Variants in ARFGAP3 observed in about 807,000 individuals in gnomAD.
The protein encoded by ARFGAP3 is ADP-ribosylation factor GTPase-activating protein 3.
In ARFGAP3, 72 loss-of-function variants were observed where a neutral mutation model predicts 75.0. That is an observed-to-expected ratio of 0.96 (90% CI 0.79 to 1.17). The LOEUF (loss-of-function observed/expected upper bound fraction) is 1.17. Among genes scored for constraint, ARFGAP3 ranks in the 50% most tolerant of loss-of-function variants. The pLI is 0.00. For missense variants in ARFGAP3, 620 were observed against 626.6 expected, an observed-to-expected ratio of 0.99 and a Z score of 0.11; for synonymous variants, 221 against 217.9, an observed-to-expected ratio of 1.01 and a Z score of -0.13.
At chr22:42,822,742 C>T (rs1211453957) in intron 8 of ARFGAP3, among the ~76,000 whole-genome samples, 1 of 152,128 alleles carries the variant, frequency 6.6e-6, no homozygotes, top group Non-Finnish European at 1.5e-5. Flanking sequence ...AATGTAAATG[C>T]TATGAAAATA....
At chr22:42,828,478 C>T (rs1328693718) in intron 6 of ARFGAP3, among the ~76,000 whole-genome samples, 2 of 151,926 alleles carry the variant, frequency 1.3e-5, no homozygotes, top group South Asian at 4.2e-4. Flanking sequence ...ATCGCTTGAA[C>T]CCGGGATGCA....
At chr22:42,855,337 C>G (rs962343081) in intron 1 of ARFGAP3, among the ~76,000 whole-genome samples, 3 of 152,164 alleles carry the variant, frequency 2.0e-5, no homozygotes, top group Non-Finnish European at 1.5e-5. Flanking sequence ...AACCGCAGAT[C>G]CTAATCTTGA....
rs141130283 is a variant in ARFGAP3 at position 42,822,934 on chromosome 22, C to T, written c.673-525G>A. 9.9e-5 allele frequency among the ~76,000 whole-genome samples: 15 copies of T among 152,080 alleles called. No individual in the cohort carries two copies. In the East Asian group the frequency reaches 2.9e-3, roughly 29 times the overall value. On this transcript the variant is annotated intron_variant, in intron 8 of 15. Transcript: ENST00000263245. ...AAGCGATCCTCCCACCTTAGTATCC[C>T]GAGTAGCTGGGACTACAGGCACGGG...
intron 9 of ARFGAP3, among the ~76,000 whole-genome samples, chr22:42,820,963 G>C (rs1191820885): frequency 6.6e-6 from 1 of 152,122 alleles, no homozygotes; most frequent in Non-Finnish European, 1.5e-5. Context: ...CACTGCTGAA[G>C]GAGCTGTTTC....
Position 42,835,365 on chromosome 22 carries a change from A to T in ARFGAP3, c.390T>A (p.Thr130=), listed in dbSNP as rs761771147. The change falls in exon 4 of 16, where the codon ACT becomes ACA. Residue 130 remains threonine, a synonymous_variant. Coordinates refer to ENST00000263245, the MANE Select transcript of ARFGAP3 (RefSeq NM_014570.5). ...LASQATRKHG[T]DLWLDSCVVP... The stretch of plus-strand genomic sequence containing the variant: ...AATCCAGCCTCCAGTGACTTACATC[A>T]GTGCCATGCTTCCGTGTTGCTTGAG... 1 of 1,613,986 alleles carries T rather than the reference A, an allele frequency of 6.2e-7. No homozygotes were observed. Among genetic ancestry groups the T allele is most frequent in the Non-Finnish European group, 8.5e-7 (1 of 1,179,898 alleles).
chr22:42,850,040 G>T (rs1927204810), intron 1 of ARFGAP3, among the ~76,000 whole-genome samples: 1 of 152,080 alleles, frequency 6.6e-6, no homozygotes, highest in Non-Finnish European at 1.5e-5. Context: ...AAAACGTATT[G>T]CCAGCTCAAA....
At chr22:42,842,077 T>C (rs976445442) in intron 2 of ARFGAP3, among the ~76,000 whole-genome samples, 1 of 142,780 alleles carries the variant, frequency 7.0e-6, no homozygotes, top group African/African-American at 2.6e-5. Flanking sequence ...CGATCTTGAC[T>C]CACCGCAACC....
intron 15 of ARFGAP3, among the ~76,000 whole-genome samples, chr22:42,798,811 T>C (rs1311145864): frequency 6.6e-6 from 1 of 152,206 alleles, no homozygotes; most frequent in Non-Finnish European, 1.5e-5. Flanking sequence ...AACTGGACAA[T>C]GGTCATGACA....
intron 4 of ARFGAP3, among the ~76,000 whole-genome samples, chr22:42,834,836 T>C (rs895181758): frequency 6.6e-6 from 1 of 152,228 alleles, no homozygotes; most frequent in African/African-American, 2.4e-5. Context: ...GCAGTTTATT[T>C]TGTGCTATGT....
At chr22:42,848,396 G>A (rs1021349344) in intron 1 of ARFGAP3, among the ~76,000 whole-genome samples, 1 of 152,098 alleles carries the variant, frequency 6.6e-6, no homozygotes, top group Non-Finnish European at 1.5e-5. Context: ...ATTTAGTAGA[G>A]ATGGGGTTTC....
intron 7 of ARFGAP3, among the ~76,000 whole-genome samples, chr22:42,825,348 T>G (rs375507715): frequency 3.3e-5 from 5 of 152,224 alleles, no homozygotes; most frequent in Admixed American, 6.5e-5. Flanking sequence ...TTGGCTTATA[T>G]ATAGATTTTA....
intron 11 of ARFGAP3, among the ~76,000 whole-genome samples, chr22:42,812,281 A>G (rs1925401732): frequency 6.6e-6 from 1 of 150,698 alleles, no homozygotes; most frequent in South Asian, 2.1e-4. Context: ...ACGATAGCTT[A>G]GGATGGAAAA....
intron 1 of ARFGAP3, among the ~76,000 whole-genome samples, chr22:42,855,165 C>T (rs1927442597): frequency 6.6e-6 from 1 of 152,156 alleles, no homozygotes; most frequent in African/African-American, 2.4e-5. Context: ...GGTGACATAC[C>T]TAGAAAGTAG....
chr22:42,801,240 C>T (rs985946448), intron 14 of ARFGAP3, among the ~76,000 whole-genome samples: 11 of 152,238 alleles, frequency 7.2e-5, no homozygotes, highest in African/African-American at 2.2e-4. Context: ...GAGAGGCAGG[C>T]GGATTAAGGA....
chr22:42,832,418 C>T (rs1245982801), intron 5 of ARFGAP3, among the ~76,000 whole-genome samples: 1 of 151,424 alleles, frequency 6.6e-6, no homozygotes, highest in Non-Finnish European at 1.5e-5. Flanking sequence ...GTAATCCCAA[C>T]TACTTGGGAG....
At chr22:42,816,176 T>C (rs1925570893) in intron 11 of ARFGAP3, among the ~76,000 whole-genome samples, 1 of 152,206 alleles carries the variant, frequency 6.6e-6, no homozygotes, top group African/African-American at 2.4e-5. Flanking sequence ...TGAGTTTCTA[T>C]ATTATCATAT....
At chr22:42,826,918 T>G in intron 7 of ARFGAP3, 22 bp downstream of exon 7, 1 of 1,605,430 alleles carries the variant, frequency 6.2e-7, no homozygotes, top group Non-Finnish European at 8.5e-7. Context: ...TAAATCAGAA[T>G]GTAGGATTTT....
intron 1 of ARFGAP3, among the ~76,000 whole-genome samples, chr22:42,855,848 T>G (rs9611940): frequency 0.052 from 7,710 of 149,004 alleles, 326 homozygotes; most frequent in African/African-American, 0.12. Context: ...AGCAAGACCC[T>G]GTCTCTACAA....
At chr22:42,839,135 A>G (rs936396116) in intron 3 of ARFGAP3, among the ~76,000 whole-genome samples, 15 of 151,746 alleles carry the variant, frequency 9.9e-5, no homozygotes, top group Non-Finnish European at 1.9e-4. Flanking sequence ...AAAAAAAAAA[A>G]AAAGAAAATC....
Sources: allele counts gnomAD v4.1 joint callset (sites outside exome capture counted in the v4.1 genomes callset), GRCh38; gene constraint gnomAD v4.1.1; transcripts MANE v1.5; gene names NCBI Gene and HGNC (gene_info 2026-07-23, HGNC 2026-07-21).